Variants in TRAPPC12 observed in about 807,000 individuals in gnomAD.
TRAPPC12 encodes the protein trafficking protein particle complex subunit 12.
Under a neutral mutation model 69.2 loss-of-function variants are expected in TRAPPC12, and 61 were observed. That is an observed-to-expected ratio of 0.88 (90% CI 0.72 to 1.09). TRAPPC12 has a LOEUF of 1.09. Ranked by LOEUF, TRAPPC12 falls within the 50% of genes least tolerant of loss-of-function variation. The pLI is 0.00. For synonymous variants in TRAPPC12, 469 were observed against 438.9 expected (o/e 1.07, Z -0.86); for missense variants, 1,101 against 1,016.4 (o/e 1.08, Z -1.13).
intron 2 of TRAPPC12, among the ~76,000 whole-genome samples, chr2:3,397,792 A>T (rs1209350820): frequency 6.6e-6 from 1 of 152,214 alleles, no homozygotes; most frequent in Admixed American, 6.5e-5. Context: ...ATTGTTGTTA[A>T]TAATTTAGCA....
chr2:3,464,050 C>T (rs975801964), intron 8 of TRAPPC12, among the ~76,000 whole-genome samples: 4 of 152,178 alleles, frequency 2.6e-5, no homozygotes, highest in Non-Finnish European at 5.9e-5. Flanking sequence ...GTGCCATGTC[C>T]GTCCCAGCTG....
intron 2 of TRAPPC12, among the ~76,000 whole-genome samples, chr2:3,390,072 A>G (rs1477609949): frequency 6.6e-6 from 1 of 152,220 alleles, no homozygotes; most frequent in East Asian, 1.9e-4. Flanking sequence ...AGTGCTCCAC[A>G]TGGGACGAAA....
chr2:3,407,216 A>G (rs185105679), intron 3 of TRAPPC12, among the ~76,000 whole-genome samples: 1 of 152,190 alleles, frequency 6.6e-6, no homozygotes, highest in African/African-American at 2.4e-5. Flanking sequence ...TGAGTCTTAG[A>G]TGGAGAAAAG....
intron 9 of TRAPPC12, among the ~76,000 whole-genome samples, chr2:3,471,961 CTG>C (rs1247823315): frequency 2.0e-5 from 3 of 152,156 alleles, no homozygotes; most frequent in Admixed American, 6.5e-5. Flanking sequence ...TCTGCAGTGT[CTG>C]TGGCCAGTCC....
At chr2:3,419,413 C>A (rs377509256) in intron 3 of TRAPPC12, among the ~76,000 whole-genome samples, 1 of 152,228 alleles carries the variant, frequency 6.6e-6, no homozygotes, top group Non-Finnish European at 1.5e-5. Flanking sequence ...ATTTGGAGAT[C>A]GTTTTAGTAA....
At chr2:3,393,786 T>C (rs1272415681) in intron 2 of TRAPPC12, among the ~76,000 whole-genome samples, 1 of 152,162 alleles carries the variant, frequency 6.6e-6, no homozygotes, top group Non-Finnish European at 1.5e-5. Context: ...AGAAGTTGCC[T>C]GATACGTAGA....
At chr2:3,425,011 A>G (rs551556435) in intron 5 of TRAPPC12, among the ~76,000 whole-genome samples, 1 of 152,252 alleles carries the variant, frequency 6.6e-6, no homozygotes, top group Admixed American at 6.5e-5. Flanking sequence ...ACAGAGATGC[A>G]GAGCGGTGGA....
At chr2:3,459,952 G>T in intron 7 of TRAPPC12, 1 of 464,414 alleles carries the variant, frequency 2.2e-6, no homozygotes, top group South Asian at 2.2e-5. Context: ...CTTTTCTCAG[G>T]GTTCTGGCTT....
intron 10 of TRAPPC12, 122 bp downstream of exon 10, chr2:3,477,917 G>C (rs1666366161): frequency 1.7e-6 from 1 of 576,858 alleles, no homozygotes. Context: ...CTTGCCCTGT[G>C]TCTCTCAGAG....
chr2:3,395,832 C>T (rs1661099480), intron 2 of TRAPPC12, among the ~76,000 whole-genome samples: 1 of 152,016 alleles, frequency 6.6e-6, no homozygotes, highest in Admixed American at 6.6e-5. Context: ...CAGGCTCAAG[C>T]AATTCCCCTG....
chr2:3,465,367 C>A (rs1462122960), intron 8 of TRAPPC12, among the ~76,000 whole-genome samples: 1 of 152,204 alleles, frequency 6.6e-6, no homozygotes, highest in Non-Finnish European at 1.5e-5. Flanking sequence ...ACAGGCAGGA[C>A]CCCGCCGTTG....
chr2:3,477,522 T>C (rs914674992), intron 9 of TRAPPC12, among the ~76,000 whole-genome samples, 173 bp from the exon 10 acceptor site: 1 of 152,220 alleles, frequency 6.6e-6, no homozygotes, highest in Non-Finnish European at 1.5e-5. Flanking sequence ...TTCCACTGTA[T>C]CTTAAATGTC....
At chr2:3,388,696 A>C in intron 2 of TRAPPC12, 26 bp downstream of exon 2, 2 of 1,506,914 alleles carry the variant, frequency 1.3e-6, no homozygotes, top group Non-Finnish European at 1.8e-6. Context: ...CCACCTCCGC[A>C]GCCCGTGCCT....
chr2:3,464,224 T>C (rs1245300818), intron 8 of TRAPPC12, among the ~76,000 whole-genome samples: 1 of 152,022 alleles, frequency 6.6e-6, no homozygotes, highest in Non-Finnish European at 1.5e-5. Flanking sequence ...CTCGCACAGC[T>C]AGACAGCAGA....
chr2:3,476,325 G>A (rs1375371316), intron 9 of TRAPPC12, among the ~76,000 whole-genome samples: 2 of 152,230 alleles, frequency 1.3e-5, no homozygotes, highest in Non-Finnish European at 2.9e-5. Context: ...ACGTTAGAGA[G>A]GAAGGCTATT....
Position 3,383,871 on chromosome 2 carries a change from G to GTTTTTTTTTTTTTTTTT in TRAPPC12, c.-4-3724_-4-3708dup, listed in dbSNP as rs34956958. ...TATTCCCTTGTGATAGTTCAGTCTT[G>GTTTTTTTTTTTTTTTTT]TTTTTTTTTTTTTTTTTTTTTTTTT... On this transcript the variant is annotated intron_variant, in intron 1 of 11. Transcript: ENST00000324266. 2.9e-4 allele frequency among the ~76,000 whole-genome samples: 25 copies of GTTTTTTTTTTTTTTTTT among 85,590 alleles called. 2 individuals carry two copies. Among genetic ancestry groups the GTTTTTTTTTTTTTTTTT allele is most frequent in the Admixed American group, 6.0e-4 (4 of 6,644 alleles). The allele number at this position is 85,590 out of a possible 152,430, so 56.2% of individuals were successfully genotyped here.
chr2:3,387,707 G>T lies in TRAPPC12; in HGVS notation c.84G>T (p.Gly28=), dbSNP rs1438517447. The T allele has an allele frequency of 1.3e-6, 2 of 1,591,178 alleles. No individual in the cohort carries two copies. Among genetic ancestry groups the T allele is most frequent in the Non-Finnish European group, 8.6e-7 (1 of 1,169,194 alleles). ...AGCTCGCGCCTCCGGAGGAGCAGGG[G>T]TTGCTCTTCCAGGAGGAAACCATCG... ...PPQLAPPEEQ[G]LLFQEETIDL... Residue 28 remains glycine (G), a synonymous_variant, in exon 2 of 12, where the codon GGG becomes GGT. Coordinates refer to ENST00000324266, the MANE Select transcript of TRAPPC12 (RefSeq NM_016030.6).
chr2:3,479,064 G>A, intron 11 of TRAPPC12, 131 bp downstream of exon 11: 1 of 1,481,846 alleles, frequency 6.7e-7, no homozygotes, highest in South Asian at 1.3e-5. Flanking sequence ...AGTGGCTGTG[G>A]CCCTTAGGGG....
intron 8 of TRAPPC12, among the ~76,000 whole-genome samples, chr2:3,464,062 A>C (rs1665660715): frequency 6.6e-6 from 1 of 152,118 alleles, no homozygotes; most frequent in African/African-American, 2.4e-5. Flanking sequence ...TCCCAGCTGC[A>C]ACCTCAGCCG....
Sources: gnomAD v4.1 joint callset for allele counts (sites outside exome capture counted in the v4.1 genomes callset) on GRCh38, gnomAD v4.1.1 for gene constraint, MANE v1.5 for transcripts, NCBI Gene and HGNC (gene_info 2026-07-23, HGNC 2026-07-21) for gene names.